The following GLIS3 variants were observed in gnomAD, a reference collection of about 807,000 sequenced individuals.
GLIS3 encodes zinc finger protein GLIS3.
A neutral mutation model predicts 78.6 loss-of-function variants in GLIS3; 53 were observed. The observed-to-expected ratio is 0.67, with a 90% CI of 0.54 to 0.85. The LOEUF (loss-of-function observed/expected upper bound fraction) is 0.85, where lower values mean the gene tolerates loss of function less well. Among genes scored for constraint, GLIS3 ranks in the 40% least tolerant of loss-of-function variants. The probability of loss-of-function intolerance (pLI) is 0.00; values close to 1 mark genes in which losing one functional copy is unlikely to be tolerated. For synonymous variants in GLIS3, 684 were observed against 509.9 expected, an observed-to-expected ratio of 1.34 and a Z score of -4.60; for missense variants, 1,703 against 1,231.1, an observed-to-expected ratio of 1.38 and a Z score of -5.74.
chr9:4,455,610 G>A, the GLIS3 span, among the ~76,000 whole-genome samples: 2 of 152,028 alleles, frequency 1.3e-5, no homozygotes, highest in Non-Finnish European at 2.9e-5. Flanking sequence ...TTCTCCAGTC[G>A]CTTATGCAAT....
chr9:4,481,900 C>G, the GLIS3 span, among the ~76,000 whole-genome samples: 2 of 152,192 alleles, frequency 1.3e-5, no homozygotes, highest in Admixed American at 1.3e-4. Flanking sequence ...TTCTCCATAC[C>G]TTCTCTAAGT....
At chr9:4,235,224 G>A (rs570801088) in intron 2 of GLIS3, among the ~76,000 whole-genome samples, 94 of 151,228 alleles carry the variant, frequency 6.2e-4, no homozygotes, top group Non-Finnish European at 1.1e-3. Context: ...GCTTGAACCC[G>A]GGAGGCGGAG....
chr9:4,274,034 C>T (rs914194851), intron 2 of GLIS3, among the ~76,000 whole-genome samples: 1 of 152,122 alleles, frequency 6.6e-6, no homozygotes, highest in African/African-American at 2.4e-5. Flanking sequence ...CCGAGTCTGC[C>T]CTTTGCCTAG....
chr9:4,097,876 A>G (rs183249207), intron 4 of GLIS3, among the ~76,000 whole-genome samples: 1 of 152,284 alleles, frequency 6.6e-6, no homozygotes, highest in African/African-American at 2.4e-5. Flanking sequence ...AAACCCCACA[A>G]AACAAAAAAG....
rs749879258 is a variant in GLIS3, at chr9:3,872,777, CA to C, written c.2297+6649del. On this transcript the variant is annotated intron_variant, in intron 8 of 10. Coordinates refer to ENST00000381971, the MANE Select transcript of GLIS3 (RefSeq NM_001042413.2). ...CCACACCTGTGGAATACAGCAAAAG[CA>C]GTGCTAAAAGGGAAGTTTGTAGCAA... is the stretch of plus-strand genomic sequence containing the variant. Among the ~76,000 whole-genome samples the C allele has an allele frequency of 1.8e-4, 27 of 152,232 alleles. 1 individual carries two copies. In the South Asian group the frequency reaches 5.4e-3, roughly 30 times the overall value.
chr9:4,311,753 T>G (rs553549958), intron 2 of GLIS3, among the ~76,000 whole-genome samples: 2 of 152,256 alleles, frequency 1.3e-5, no homozygotes, highest in East Asian at 3.9e-4. Flanking sequence ...GAGTTTGAGT[T>G]GTATGTTTAA....
intron 4 of GLIS3, among the ~76,000 whole-genome samples, chr9:4,057,619 ACTC>A: frequency 6.6e-6 from 1 of 152,022 alleles, no homozygotes; most frequent in East Asian, 1.9e-4. Context: ...GAACCAGTTT[ACTC>A]CTCTTCAAAT....
chr9:4,080,546 T>C (rs950664696), intron 4 of GLIS3, among the ~76,000 whole-genome samples: 3 of 152,192 alleles, frequency 2.0e-5, no homozygotes, highest in Non-Finnish European at 4.4e-5. Context: ...CTAATGTGTA[T>C]TCTACCCCAT....
chr9:4,059,827 TGTGAGAGAGA>T (rs1202648381), intron 4 of GLIS3, among the ~76,000 whole-genome samples: 5 of 106,822 alleles, frequency 4.7e-5, no homozygotes, highest in African/African-American at 1.7e-4. Flanking sequence ...TGTGTGTGTG[TGTGAGAGAGA>T]GAGAGAGAGA....
In GLIS3 at chr9:3,977,445, C is replaced by T. The variant is rs1450532221; in HGVS notation, c.1711-40256G>A. ...TCCACTAGTGCTATTATTAAAAAGA[C>T]TAATGAGAGCTGCTCGGTAAGAAAA... On this transcript the variant is annotated intron_variant, in intron 4 of 10. Transcript: ENST00000381971. The surrounding 1 kb of genome is among the most constrained non-coding windows in gnomAD (Gnocchi z 4.1). 1.3e-5 allele frequency among the ~76,000 whole-genome samples: 2 copies of T among 152,132 alleles called. No homozygotes were observed. The highest frequency in any genetic ancestry group is 4.8e-5 in the African/African-American group (2 of 41,416).
At chr9:4,117,674 T>C (rs1831770469) in intron 4 of GLIS3, 94 bp downstream of exon 4, 1 of 1,442,480 alleles carries the variant, frequency 6.9e-7, no homozygotes, top group South Asian at 1.1e-5. Context: ...CCCCCACGCA[T>C]GCAAACTCCA....
At chr9:4,278,625 A>G (rs1185441271) in intron 2 of GLIS3, among the ~76,000 whole-genome samples, 1 of 152,242 alleles carries the variant, frequency 6.6e-6, no homozygotes, top group East Asian at 1.9e-4. Context: ...CCAGCTAATA[A>G]ACATAGCAGG....
intron 4 of GLIS3, among the ~76,000 whole-genome samples, chr9:4,091,805 G>A (rs997216900): frequency 6.6e-6 from 1 of 152,070 alleles, no homozygotes; most frequent in African/African-American, 2.4e-5. Context: ...CCAGTCTCGG[G>A]CAGTTCTTTA....
At chr9:4,330,415 T>C (rs911160793) in intron 2 of GLIS3, among the ~76,000 whole-genome samples, 1 of 152,240 alleles carries the variant, frequency 6.6e-6, no homozygotes, top group African/African-American at 2.4e-5. Flanking sequence ...GGTCCAAGGA[T>C]CACACTTTGA....
chr9:4,273,173 G>C (rs1179779624), intron 2 of GLIS3, among the ~76,000 whole-genome samples: 1 of 152,144 alleles, frequency 6.6e-6, no homozygotes, highest in Non-Finnish European at 1.5e-5. Context: ...CAAGAATGAA[G>C]ACAGAAATGC....
chr9:4,220,076 A>T (rs10814886), intron 2 of GLIS3, among the ~76,000 whole-genome samples: 1 of 151,898 alleles, frequency 6.6e-6, no homozygotes, highest in Non-Finnish European at 1.5e-5. Context: ...AGGACTCAAC[A>T]GGCTGCATAA....
chr9:4,052,782 A>T (rs1825830838), intron 4 of GLIS3, among the ~76,000 whole-genome samples: 1 of 152,198 alleles, frequency 6.6e-6, no homozygotes, highest in Non-Finnish European at 1.5e-5. Context: ...TACTAAAAAC[A>T]TTCATGTAAA....
intron 4 of GLIS3, among the ~76,000 whole-genome samples, chr9:4,082,734 A>G (rs1305171282): frequency 6.6e-6 from 1 of 152,212 alleles, no homozygotes; most frequent in Admixed American, 6.5e-5. Context: ...AACATTCTAC[A>G]AACACTGCTT....
At position 3,899,030 on chromosome 9, in the gene GLIS3, G is replaced by C. The variant is rs1270752406; in HGVS notation, c.1984-195C>G. 21 of 677,004 alleles carry C rather than the reference G, an allele frequency of 3.1e-5. 1 individual carries two copies. In the South Asian group the frequency reaches 3.4e-4, roughly 11 times the overall value. 41.9% of individuals were successfully genotyped at this position (677,004 alleles called of 1,614,324 possible). ...CCAATCCTAATAACACCTGGCAAGA[G>C]CTTCTGGAAAAATGTGGCTAGAGGC... is the stretch of plus-strand genomic sequence containing the variant. On this transcript the variant is annotated intron_variant, in intron 6 of 10. Transcript: ENST00000381971.
Sources: gnomAD v4.1 joint callset for allele counts (sites outside exome capture counted in the v4.1 genomes callset) on GRCh38, gnomAD v4.1.1 for gene constraint, Gnocchi (gnomAD v3.1) non-coding constraint, MANE v1.5 for transcripts, NCBI Gene and HGNC (gene_info 2026-07-23, HGNC 2026-07-21) for gene names.